Variants in KCNH8 observed in about 807,000 individuals in gnomAD.
KCNH8 encodes voltage-gated delayed rectifier potassium channel KCNH8.
KCNH8 carries 70 observed loss-of-function variants against 103.6 expected under a neutral mutation model. That is an observed-to-expected ratio of 0.68 (90% confidence interval 0.56 to 0.82). The LOEUF (loss-of-function observed/expected upper bound fraction) is 0.82, where lower values mean the gene tolerates loss of function less well. Among genes scored for constraint, KCNH8 ranks in the 40% least tolerant of loss-of-function variants. The probability of loss-of-function intolerance (pLI) is 0.00; values close to 1 mark genes in which losing one functional copy is unlikely to be tolerated. For synonymous variants in KCNH8, 498 were observed against 489.4 expected, an observed-to-expected ratio of 1.02 and a Z score of -0.23; for missense variants, 1,217 against 1,329.9, an observed-to-expected ratio of 0.92 and a Z score of 1.32.
In KCNH8 at chr3:19,175,084, C is replaced by A. The variant is rs141367862; in HGVS notation, c.76+26289C>A. ...TTAGAGGATATTTTCACACCAGAAA[C>A]CAGTATTTTCTGAGTCCAGACTTTT... is the stretch of plus-strand genomic sequence containing the variant. On this transcript the variant is annotated intron_variant, in intron 1 of 15. Transcript: ENST00000328405. Among the ~76,000 whole-genome samples, 21 of 152,232 alleles carry A rather than the reference C, an allele frequency of 1.4e-4. No individual in the cohort carries two copies. In the East Asian group the frequency reaches 3.9e-3, roughly 28 times the overall value.
At chr3:19,506,030 G>A (rs1298600708) in intron 11 of KCNH8, among the ~76,000 whole-genome samples, 1 of 152,106 alleles carries the variant, frequency 6.6e-6, no homozygotes, top group Non-Finnish European at 1.5e-5. Context: ...TTTTATAATG[G>A]CTATTTCATC....
intron 5 of KCNH8, among the ~76,000 whole-genome samples, chr3:19,363,293 A>G (rs2065969914): frequency 6.6e-6 from 1 of 152,170 alleles, no homozygotes; most frequent in South Asian, 2.1e-4. Context: ...CATTCCAGTT[A>G]TCTTCTCTCT....
chr3:19,217,042 G>A (rs553874576), intron 1 of KCNH8, among the ~76,000 whole-genome samples: 11 of 152,214 alleles, frequency 7.2e-5, no homozygotes, highest in Non-Finnish European at 1.3e-4. Flanking sequence ...TGTAGAGGAT[G>A]ATAGCAAGAT....
At chr3:19,238,858 C>T (rs893967991) in intron 1 of KCNH8, among the ~76,000 whole-genome samples, 2 of 152,112 alleles carry the variant, frequency 1.3e-5, no homozygotes, top group African/African-American at 2.4e-5. Flanking sequence ...GCAGGAGAAG[C>T]GTATCTTACA....
chr3:19,491,808 T>C (rs2068328019), intron 11 of KCNH8, among the ~76,000 whole-genome samples: 1 of 152,214 alleles, frequency 6.6e-6, no homozygotes, highest in African/African-American at 2.4e-5. Flanking sequence ...GCAACAGCTT[T>C]TCCTTTTCTC....
rs535150779 is a variant in KCNH8 at position 19,485,953 on chromosome 3, G to A, written c.2041-24410G>A. ...CACTTGAGAATTAGAAAGGCATATC[G>A]AGAGTCAGTGTAGATGTTTACAGTC... On this transcript the variant is annotated intron_variant, in intron 11 of 15. Coordinates refer to ENST00000328405, the MANE Select transcript of KCNH8 (RefSeq NM_144633.3). 2.4e-3 allele frequency among the ~76,000 whole-genome samples: 360 copies of A among 152,296 alleles called. 2 individuals are homozygous for A. The highest frequency in any genetic ancestry group is 4.1e-3 in the Non-Finnish European group (279 of 68,028).
intron 3 of KCNH8, among the ~76,000 whole-genome samples, chr3:19,283,385 A>C (rs2064782680): frequency 6.6e-6 from 1 of 152,326 alleles, no homozygotes; most frequent in Non-Finnish European, 1.5e-5. Context: ...TATCTCTTGC[A>C]AGATTTAAAT....
At chr3:19,240,870 C>T (rs2064131515) in intron 1 of KCNH8, among the ~76,000 whole-genome samples, 1 of 151,992 alleles carries the variant, frequency 6.6e-6, no homozygotes, top group Non-Finnish European at 1.5e-5. Flanking sequence ...GCAAATTTTT[C>T]AGCTCTTCTA....
At position 19,293,518 on chromosome 3, in the gene KCNH8, A is replaced by G. The variant is rs550442523; in HGVS notation, c.442+12189A>G. ...AGGCTCTAGATTAGACCTTTCGATC[A>G]GAATCTGCATTTCAGTGAGCTCAGG... On this transcript the variant is annotated intron_variant, in intron 3 of 15. Transcript: ENST00000328405. Among the ~76,000 whole-genome samples the G allele has an allele frequency of 3.9e-5, 6 of 152,346 alleles. No homozygotes were observed. In the South Asian group the frequency reaches 1.2e-3, roughly 32 times the overall value.
At chr3:19,192,083 T>A (rs1329542960) in intron 1 of KCNH8, among the ~76,000 whole-genome samples, 1 of 151,808 alleles carries the variant, frequency 6.6e-6, no homozygotes, top group East Asian at 1.9e-4. Context: ...TTCCACAGAC[T>A]GGATGATAAT....
At chr3:19,392,756 A>G (rs929064213) in intron 6 of KCNH8, among the ~76,000 whole-genome samples, 1 of 151,994 alleles carries the variant, frequency 6.6e-6, no homozygotes, top group Non-Finnish European at 1.5e-5. Flanking sequence ...TAGTATGTAT[A>G]TCACTGTAGA....
At chr3:19,459,525 C>A (rs2067588339) in intron 11 of KCNH8, among the ~76,000 whole-genome samples, 1 of 151,946 alleles carries the variant, frequency 6.6e-6, no homozygotes, top group Non-Finnish European at 1.5e-5. Flanking sequence ...GTATGATTTG[C>A]AAATATTTTC....
chr3:19,242,904 C>T (rs2064159984), intron 1 of KCNH8, among the ~76,000 whole-genome samples: 1 of 152,240 alleles, frequency 6.6e-6, no homozygotes, highest in African/African-American at 2.4e-5. Context: ...AAAAACAAAA[C>T]AAAACCCATT....
intron 5 of KCNH8, among the ~76,000 whole-genome samples, chr3:19,380,279 T>C (rs1226349031): frequency 6.6e-6 from 1 of 152,164 alleles, no homozygotes; most frequent in African/African-American, 2.4e-5. Flanking sequence ...CAAATAAAAA[T>C]GACTGGCAAC....
At chr3:19,381,498 C>T (rs1018958194) in intron 5 of KCNH8, among the ~76,000 whole-genome samples, 4 of 152,042 alleles carry the variant, frequency 2.6e-5, no homozygotes, top group African/African-American at 9.7e-5. Context: ...CTGAACATGA[C>T]ACAATTTATG....
At position 19,395,241 on chromosome 3, in the gene KCNH8, G is replaced by C. The variant is rs766250526; in HGVS notation, c.1107G>C (p.Trp369Cys). Residue 369 changes from tryptophan (W) to cysteine (C), a missense_variant, in exon 7 of 16, where the codon TGG becomes TGC. Around this residue, in one of 3 missense-constraint regions of KCNH8, gnomAD observed 415 missense variants for 577.4 expected, o/e 0.72. Transcript: ENST00000328405. ...LMSMFALLAH[W>C]MACIWYVIGK... ...CCATGTTTGCACTCCTTGCACACTGGATGGCGTGTATCTGGTACGTCATTG... is the reference window on the plus strand; with the variant it reads ...CCATGTTTGCACTCCTTGCACACTGCATGGCGTGTATCTGGTACGTCATTG... The C allele has an allele frequency of 6.2e-7, 1 of 1,609,620 alleles. No individual in the cohort carries two copies. Among genetic ancestry groups the C allele is most frequent in the South Asian group, 1.1e-5 (1 of 90,358 alleles).
chr3:19,230,888 C>T (rs2063986841), intron 1 of KCNH8, among the ~76,000 whole-genome samples: 1 of 152,100 alleles, frequency 6.6e-6, no homozygotes. Flanking sequence ...TTGGAAATGT[C>T]CTTACCATTT....
At chr3:19,235,986 C>T (rs749145690) in intron 1 of KCNH8, among the ~76,000 whole-genome samples, 3 of 152,170 alleles carry the variant, frequency 2.0e-5, no homozygotes, top group Non-Finnish European at 4.4e-5. Flanking sequence ...TACATAATGT[C>T]ATCGAATAAA....
intron 11 of KCNH8, among the ~76,000 whole-genome samples, chr3:19,504,535 C>G (rs1350967802): frequency 6.6e-6 from 1 of 151,992 alleles, no homozygotes; most frequent in Non-Finnish European, 1.5e-5. Context: ...TGAACAGACA[C>G]TTTTCAAAAA....
Sources: gnomAD v4.1 joint callset for allele counts (sites outside exome capture counted in the v4.1 genomes callset) on GRCh38, gnomAD v4.1.1 for gene constraint, gnomAD v4.1.1 regional missense constraint, MANE v1.5 for transcripts, NCBI Gene and HGNC (gene_info 2026-07-23, HGNC 2026-07-21) for gene names.